The following NUMB variants were observed in gnomAD, a reference collection of about 807,000 sequenced individuals.
The protein encoded by NUMB is protein numb homolog.
A neutral mutation model predicts 59.7 loss-of-function variants in NUMB; 29 were observed. The ratio of observed to expected loss-of-function variants is 0.49; its 90% CI spans 0.36 to 0.66. NUMB has a LOEUF of 0.66. Ranked by LOEUF, NUMB falls within the 30% of genes least tolerant of loss-of-function variation. The pLI is 0.00. For missense variants in NUMB, 723 were observed against 822.0 expected (o/e 0.88, Z 1.47); for synonymous variants, 288 against 288.2 (o/e 1.00, Z 0.01).
intron 4 of NUMB, among the ~76,000 whole-genome samples, chr14:73,338,532 G>A (rs1019970513): frequency 1.3e-5 from 2 of 152,126 alleles, no homozygotes; most frequent in Non-Finnish European, 2.9e-5. Flanking sequence ...CTCAGCACAG[G>A]AGCCAGAATG....
At chr14:73,329,905 T>C (rs1891867583) in intron 4 of NUMB, among the ~76,000 whole-genome samples, 1 of 152,322 alleles carries the variant, frequency 6.6e-6, no homozygotes, top group South Asian at 2.1e-4. Flanking sequence ...TTTTAACTGT[T>C]ATCTGATTTC....
At chr14:73,368,063 G>T (rs1894462217) in intron 2 of NUMB, among the ~76,000 whole-genome samples, 1 of 151,626 alleles carries the variant, frequency 6.6e-6, no homozygotes. Flanking sequence ...AAAAAAGTTG[G>T]CTTGGAATTT....
chr14:73,315,274 T>C (rs1159139049), intron 6 of NUMB, among the ~76,000 whole-genome samples: 1 of 152,178 alleles, frequency 6.6e-6, no homozygotes, highest in Admixed American at 6.5e-5. Context: ...AAAAAAATTG[T>C]AGGATTTTGT....
At position 73,276,765 on chromosome 14, in the gene NUMB, T is replaced by C. The variant is rs549478016; in HGVS notation, c.1769A>G (p.Asn590Ser). Residue 590 changes from asparagine (N) to serine (S), a missense_variant, in exon 13 of 13, where the codon AAT becomes AGT. Transcript: ENST00000555238. ...AQHLNGSAAFNGVDDGRLASA... is the reference protein window; with the variant it reads ...AQHLNGSAAFSGVDDGRLASA... ...GGCCAACCTGCCATCATCTACACCA[T>C]TGAAAGCTGCAGAACCGTTGAGGTG... 87 of 1,614,104 alleles carry C rather than the reference T, an allele frequency of 5.4e-5. 1 individual carries two copies. The highest frequency in any genetic ancestry group is 4.9e-4 in the Middle Eastern group (3 of 6,062).
At chr14:73,406,114 CT>C (rs1896660084) in intron 2 of NUMB, among the ~76,000 whole-genome samples, 1 of 147,782 alleles carries the variant, frequency 6.8e-6, no homozygotes, top group Non-Finnish European at 1.5e-5. Flanking sequence ...TTTTATTATA[CT>C]TTAAGTTCTA....
At chr14:73,448,171 G>T (rs1883672019) in intron 1 of NUMB, among the ~76,000 whole-genome samples, 3 of 152,044 alleles carry the variant, frequency 2.0e-5, no homozygotes, top group Admixed American at 2.0e-4. Context: ...GCTACTACAG[G>T]AAATATCTTT....
chr14:73,392,971 G>T (rs1895928648), intron 2 of NUMB, among the ~76,000 whole-genome samples: 2 of 152,098 alleles, frequency 1.3e-5, no homozygotes, highest in African/African-American at 4.8e-5. Flanking sequence ...CGTTTTTCTG[G>T]GAGGAGGGGT....
rs561023836 is a variant in NUMB, at chr14:73,341,053, G to A, written c.126+14573C>T. Among the ~76,000 whole-genome samples, 4 of 152,254 alleles carry A rather than the reference G, an allele frequency of 2.6e-5. No homozygotes were observed. In the South Asian group the frequency reaches 8.3e-4, roughly 32 times the overall value. On this transcript the variant is annotated intron_variant, in intron 4 of 12. Transcript: ENST00000555238. ...CCTTTGCCTTCCATCATGATTATAA[G>A]TTTCCTGAGGCCTCCCCAGCCATGT...
intron 4 of NUMB, among the ~76,000 whole-genome samples, chr14:73,353,545 G>C (rs186857682): frequency 5.4e-5 from 3 of 55,582 alleles, no homozygotes; most frequent in Non-Finnish European, 9.9e-5. Flanking sequence ...AATGAAAAGT[G>C]CATTTAAAAT....
intron 2 of NUMB, among the ~76,000 whole-genome samples, chr14:73,394,986 C>T (rs1392909212): frequency 6.7e-6 from 1 of 149,938 alleles, no homozygotes; most frequent in Non-Finnish European, 1.5e-5. Flanking sequence ...GGTTCATCCA[C>T]AATGTTGCAA....
intron 3 of NUMB, among the ~76,000 whole-genome samples, chr14:73,358,537 T>C (rs1254277661): frequency 6.6e-6 from 1 of 151,926 alleles, no homozygotes; most frequent in Non-Finnish European, 1.5e-5. Context: ...CCTGTGCATG[T>C]CTGGTTAAAG....
intron 2 of NUMB, among the ~76,000 whole-genome samples, chr14:73,398,705 C>A (rs780013077): frequency 6.6e-6 from 1 of 151,874 alleles, no homozygotes; most frequent in Non-Finnish European, 1.5e-5. Context: ...TTATTCCCAT[C>A]AGATTGACAA....
At chr14:73,416,999 G>C (rs1897153866) in intron 1 of NUMB, among the ~76,000 whole-genome samples, 1 of 151,776 alleles carries the variant, frequency 6.6e-6, no homozygotes, top group South Asian at 2.1e-4. Context: ...CATGGCAGAG[G>C]AGAAGAGAAG....
chr14:73,317,426 C>A (rs951576630), intron 5 of NUMB, among the ~76,000 whole-genome samples: 5 of 152,116 alleles, frequency 3.3e-5, no homozygotes, highest in African/African-American at 1.2e-4. Context: ...CTCGGCCTCC[C>A]GAGTAGCTAG....
At chr14:73,445,291 G>T (rs928863891) in intron 1 of NUMB, among the ~76,000 whole-genome samples, 1 of 134,754 alleles carries the variant, frequency 7.4e-6, no homozygotes, top group Admixed American at 9.1e-5. Flanking sequence ...GGAGTTTAAG[G>T]CTGCAGTTAG....
intron 4 of NUMB, among the ~76,000 whole-genome samples, chr14:73,338,472 G>A (rs1892465921): frequency 6.6e-6 from 1 of 152,110 alleles, no homozygotes; most frequent in Non-Finnish European, 1.5e-5. Flanking sequence ...TTTTGTAAAA[G>A]CCTCTTAAAT....
intron 2 of NUMB, among the ~76,000 whole-genome samples, chr14:73,408,877 C>CAAA (rs368923818): frequency 1.1e-4 from 14 of 125,152 alleles, no homozygotes; most frequent in African/African-American, 3.6e-4. Context: ...AACTCCTTCT[C>CAAA]AAAAAAAAAA....
chr14:73,318,326 GAC>G (rs1891195569), intron 5 of NUMB, among the ~76,000 whole-genome samples: 1 of 152,266 alleles, frequency 6.6e-6, no homozygotes, highest in Middle Eastern at 3.4e-3. Flanking sequence ...TGCATAAAAA[GAC>G]AGTTATTAAA....
chr14:73,446,060 G>A (rs1385033067), intron 1 of NUMB, among the ~76,000 whole-genome samples: 1 of 149,206 alleles, frequency 6.7e-6, no homozygotes, highest in Non-Finnish European at 1.5e-5. Context: ...CCAGTGGCAC[G>A]ATCTCAGCCT....
Sources: allele counts gnomAD v4.1 joint callset (sites outside exome capture counted in the v4.1 genomes callset), GRCh38; gene constraint gnomAD v4.1.1; transcripts MANE v1.5; gene names NCBI Gene and HGNC (gene_info 2026-07-23, HGNC 2026-07-21).